Variants in ZNF248 observed in about 807,000 individuals in gnomAD.
ZNF248 encodes the protein zinc finger protein 248, also known as KRAB protein domain.
ZNF248 carries 20 observed loss-of-function variants against 44.3 expected under a neutral mutation model. The observed-to-expected ratio is 0.45, with a 90% CI of 0.32 to 0.66. The LOEUF (loss-of-function observed/expected upper bound fraction) is 0.66. ZNF248 is among the 30% of genes least tolerant of loss of function. ZNF248 has a pLI of 0.04. For synonymous variants in ZNF248, 224 were observed against 229.0 expected (o/e 0.98, Z 0.20); for missense variants, 654 against 677.0 (o/e 0.97, Z 0.38).
At chr10:37,795,493 C>T (rs1225339925) in intron 6 of ZNF248, 1 of 151,734 alleles carries the variant, frequency 6.6e-6, no homozygotes, top group Non-Finnish European at 1.5e-5. Context: ...TTTTTTTTCC[C>T]CCTCTCCCAA....
chr10:37,831,912 C>A lies in ZNF248; in HGVS notation c.1443G>T (p.Val481=), dbSNP rs772828000. The A allele has an allele frequency of 6.2e-7, 1 of 1,612,208 alleles. No homozygotes were observed. Among genetic ancestry groups the A allele is most frequent in the South Asian group, 1.1e-5 (1 of 90,956 alleles). ...KSFCHRSALT[V]HQRTHTGEKP... ...TCTCCCCTGTGTGTGTTCTCTGATG[C>A]ACAGTGAGGGCTGATCTGTGGCAGA... The change falls in exon 6 of 6, where the codon GTG becomes GTT. Residue 481 remains valine, a synonymous_variant. Transcript: ENST00000395867.
intron 3 of ZNF248, among the ~76,000 whole-genome samples, chr10:37,853,272 G>C (rs1444785267): frequency 6.6e-6 from 1 of 152,142 alleles, no homozygotes; most frequent in African/African-American, 2.4e-5. Flanking sequence ...AAAACCAAAA[G>C]AAAAGAGAAA....
chr10:37,810,675 ACTAGT>A (rs1201596496), intron 6 of ZNF248, among the ~76,000 whole-genome samples: 3 of 152,230 alleles, frequency 2.0e-5, no homozygotes, highest in Middle Eastern at 3.2e-3. Flanking sequence ...ATCTGAAGAT[ACTAGT>A]CTATTTTATC....
the ZNF248 span, among the ~76,000 whole-genome samples, chr10:37,769,041 C>G: frequency 7.9e-5 from 12 of 152,182 alleles, no homozygotes; most frequent in East Asian, 5.8e-4. Context: ...AAAAATTCCT[C>G]GACACATACA....
chr10:37,778,569 T>A (rs1039521465), intron 6 of ZNF248, among the ~76,000 whole-genome samples: 3 of 152,188 alleles, frequency 2.0e-5, no homozygotes, highest in Non-Finnish European at 4.4e-5. Flanking sequence ...TTTTGTCTTT[T>A]GTTGCCATTG....
In ZNF248 at chr10:37,836,771, TACACACACACACACACAC is replaced by T. The variant is rs72082671; in HGVS notation, c.238+828_238+845del. On this transcript the variant is annotated intron_variant, in intron 5 of 5. Transcript: ENST00000395867. ...ACATATATACAAACACACAGACATG[TACACACACACACACACAC>T]ACACACACACACACACGCATTTTTT... 6.1e-5 allele frequency among the ~76,000 whole-genome samples: 9 copies of T among 148,496 alleles called. No individual in the cohort carries two copies. The South Asian group carries it at 6.6e-4, about 11-fold the overall frequency.
At chr10:37,802,045 C>A (rs958413840) in intron 6 of ZNF248, among the ~76,000 whole-genome samples, 15 of 152,176 alleles carry the variant, frequency 9.9e-5, no homozygotes, top group South Asian at 2.1e-4. Context: ...CATTATAGGA[C>A]CTGCATGTAT....
intron 5 of ZNF248, among the ~76,000 whole-genome samples, chr10:37,836,428 C>T (rs896687975): frequency 2.0e-5 from 3 of 152,152 alleles, no homozygotes; most frequent in African/African-American, 7.2e-5. Flanking sequence ...CCAGTCTCCA[C>T]CATGCCCGCT....
intron 4 of ZNF248, 104 bp from the exon 5 acceptor site, chr10:37,837,816 A>C: frequency 7.4e-7 from 1 of 1,360,294 alleles, no homozygotes; most frequent in East Asian, 2.4e-5. Flanking sequence ...CTACTCAAAG[A>C]ATGTGCACAA....
At chr10:37,840,592 G>C (rs1280155555) in intron 3 of ZNF248, among the ~76,000 whole-genome samples, 1 of 152,146 alleles carries the variant, frequency 6.6e-6, no homozygotes, top group Non-Finnish European at 1.5e-5. Context: ...AGCACCTGTG[G>C]AAGACAGTTT....
chr10:37,852,410 G>A (rs2060434085), intron 3 of ZNF248, among the ~76,000 whole-genome samples: 1 of 152,114 alleles, frequency 6.6e-6, no homozygotes, highest in African/African-American at 2.4e-5. Flanking sequence ...CTTTTCTGTA[G>A]CATTCTTGAA....
chr10:37,781,288 A>T (rs1014591866), intron 6 of ZNF248, among the ~76,000 whole-genome samples: 1 of 152,160 alleles, frequency 6.6e-6, no homozygotes, highest in Non-Finnish European at 1.5e-5. Flanking sequence ...TGAGTGACAG[A>T]GGTAAGCATA....
downstream of ZNF248, among the ~76,000 whole-genome samples, chr10:37,825,619 T>C (rs2054255489): frequency 6.6e-6 from 1 of 152,156 alleles, no homozygotes; most frequent in Non-Finnish European, 1.5e-5. Context: ...TTTTGTATTT[T>C]CTGTAGAGAC....
At chr10:37,769,032 A>T in the ZNF248 span, among the ~76,000 whole-genome samples, 4,218 of 152,214 alleles carry the variant, frequency 0.028, 137 homozygotes, top group African/African-American at 0.082. Context: ...AAGAAATGGA[A>T]AAATTCCTCG....
the ZNF248 span, among the ~76,000 whole-genome samples, chr10:37,760,848 G>C: frequency 6.6e-6 from 1 of 152,140 alleles, no homozygotes; most frequent in South Asian, 2.1e-4. Context: ...GGAAAAAAAA[G>C]TATTATAAAG....
chr10:37,773,017 C>A (rs1489182236), downstream of ZNF248, among the ~76,000 whole-genome samples: 2 of 152,156 alleles, frequency 1.3e-5, no homozygotes, highest in African/African-American at 4.8e-5. Context: ...GAGGCCGAGG[C>A]CTGTGGATCA....
At chr10:37,812,571 T>C (rs1024241005) in intron 6 of ZNF248, among the ~76,000 whole-genome samples, 1 of 152,176 alleles carries the variant, frequency 6.6e-6, no homozygotes, top group East Asian at 1.9e-4. Context: ...GGTTTCACCA[T>C]GCTTTGTCCC....
Position 37,832,025 on chromosome 10 carries a change from T to G in ZNF248, c.1330A>C (p.Thr444Pro). Residue 444 changes from threonine (T) to proline (P), a missense_variant, in exon 6 of 6, where the codon ACA becomes CCA. Transcript: ENST00000395867. ...KPYECKQCGK[T>P]FCVKSNLTEH... ...GTGAGGTTTGACTTCACACAGAATG[T>G]TTTTCCACATTGCTTACATTCATAG... 6.2e-7 allele frequency: 1 copy of G among 1,614,048 alleles called. No individual in the cohort carries two copies. The highest frequency in any genetic ancestry group is 8.5e-7 in the Non-Finnish European group (1 of 1,179,926).
chr10:37,766,565 C>T, the ZNF248 span, among the ~76,000 whole-genome samples: 1 of 152,338 alleles, frequency 6.6e-6, no homozygotes, highest in East Asian at 1.9e-4. Flanking sequence ...CCTAAGGGTC[C>T]TGTCTGTTAG....
Sources: gnomAD v4.1 joint callset for allele counts (sites outside exome capture counted in the v4.1 genomes callset) on GRCh38, gnomAD v4.1.1 for gene constraint, MANE v1.5 for transcripts, NCBI Gene and HGNC (gene_info 2026-07-23, HGNC 2026-07-21) for gene names.